RASSF3: variants seen among roughly 807,000 people sequenced by gnomAD.
The protein encoded by RASSF3 is ras association domain-containing protein 3.
A neutral mutation model predicts 19.9 loss-of-function variants in RASSF3; 19 were observed. The ratio of observed to expected loss-of-function variants is 0.96; its 90% CI spans 0.67 to 1.40. The LOEUF (loss-of-function observed/expected upper bound fraction) is 1.40. Ranked by LOEUF, RASSF3 falls within the 40% of genes most tolerant of loss-of-function variation. The probability of loss-of-function intolerance (pLI) is 0.00; values close to 1 mark genes in which losing one functional copy is unlikely to be tolerated. For missense variants in RASSF3, 306 were observed against 289.8 expected (o/e 1.06, Z -0.41); for synonymous variants, 110 against 104.2 (o/e 1.06, Z -0.34).
At chr12:64,529,864 G>T (rs984127292), upstream of RASSF3, among the ~76,000 whole-genome samples, 1 of 152,160 alleles carries the variant, frequency 6.6e-6, no homozygotes, top group Non-Finnish European at 1.5e-5. Context: ...ACAAACAGAA[G>T]AGAGAGGTTT....
chr12:64,568,296 G>T (rs372379990), intron 2 of RASSF3, among the ~76,000 whole-genome samples: 3 of 152,138 alleles, frequency 2.0e-5, no homozygotes, highest in Non-Finnish European at 2.9e-5. Context: ...GCCTCCCAAA[G>T]AGCTGGGATT....
rs139424789 is a variant in RASSF3 at position 64,519,540 on chromosome 12, T to C, written c.169+12211T>C. Among the ~76,000 whole-genome samples the C allele has an allele frequency of 3.2e-3, 488 of 152,266 alleles. 5 individuals carry two copies. Among genetic ancestry groups the C allele is most frequent in the African/African-American group, 0.011 (467 of 41,542 alleles). On this transcript the variant is annotated intron_variant, in intron 1 of 5. Transcript: ENST00000637125. ...GTCGTTACTTTACATTTTATTGGGA[T>C]GTGATTTACCTGTGCATCAAAATTG...
intron 2 of RASSF3, among the ~76,000 whole-genome samples, chr12:64,548,687 C>A (rs1365343363): frequency 6.6e-6 from 1 of 152,184 alleles, no homozygotes; most frequent in East Asian, 1.9e-4. Flanking sequence ...CCAGTTTATA[C>A]CCTTTCCAGC....
At chr12:64,613,726 G>T (rs1870452571) in intron 1 of RASSF3, among the ~76,000 whole-genome samples, 1 of 152,062 alleles carries the variant, frequency 6.6e-6, no homozygotes, top group Admixed American at 6.6e-5. Context: ...TGGGAGGATT[G>T]CTTGAGCCCA....
rs35141966 is a variant in RASSF3 at position 64,524,052 on chromosome 12, C to CTT, written c.169+16739_169+16740dup. ...TCACCACTTGCTAGCTGTACTTGCT[C>CTT]TTTTTTTTTTTTTTTTTGAGAAAGA... On this transcript the variant is annotated intron_variant, in intron 1 of 5. Transcript: ENST00000637125. 3.7e-3 allele frequency among the ~76,000 whole-genome samples: 443 copies of CTT among 120,074 alleles called. 5 individuals are homozygous for CTT. In the East Asian group the frequency reaches 0.053, roughly 14 times the overall value. 78.8% of individuals were successfully genotyped at this position (120,074 alleles called of 152,430 possible).
chr12:64,592,820 T>C (rs1869945602), intron 2 of RASSF3, among the ~76,000 whole-genome samples: 1 of 151,930 alleles, frequency 6.6e-6, no homozygotes, highest in Admixed American at 6.6e-5. Context: ...TTTTATTTTA[T>C]TTTATTTTTA....
At chr12:64,663,863 G>A (rs1340900065) in intron 1 of RASSF3, among the ~76,000 whole-genome samples, 1 of 41,804 alleles carries the variant, frequency 2.4e-5, no homozygotes, top group South Asian at 7.3e-4. Flanking sequence ...TTTTTTTTTT[G>A]CCTCAACAGA....
chr12:64,580,766 C>G (rs987636460), intron 2 of RASSF3, among the ~76,000 whole-genome samples: 1 of 152,092 alleles, frequency 6.6e-6, no homozygotes, highest in African/African-American at 2.4e-5. Flanking sequence ...TCATTCCAAT[C>G]TCTGCCTTTG....
intron 4 of RASSF3, among the ~76,000 whole-genome samples, chr12:64,693,414 ATTTT>A (rs71434058): frequency 1.4e-5 from 2 of 145,660 alleles, no homozygotes; most frequent in Non-Finnish European, 3.0e-5. Context: ...ATCTGTTTTA[ATTTT>A]TTTTTTTTTC....
intron 2 of RASSF3, among the ~76,000 whole-genome samples, chr12:64,592,248 A>G (rs868169579): frequency 1.3e-5 from 2 of 152,208 alleles, no homozygotes; most frequent in African/African-American, 4.8e-5. Flanking sequence ...CCAGCATACT[A>G]TGAACACTGT....
At chr12:64,694,627 C>T in intron 4 of RASSF3, 136 bp from the exon 5 acceptor site, 1 of 920,306 alleles carries the variant, frequency 1.1e-6, no homozygotes, top group Non-Finnish European at 1.7e-6. Context: ...AACACCCCAG[C>T]TCTTGCAGAC....
intron 2 of RASSF3, among the ~76,000 whole-genome samples, chr12:64,568,459 C>T (rs961527276): frequency 1.3e-5 from 2 of 152,296 alleles, no homozygotes. Context: ...GATCATTCAT[C>T]CTCATTCAAG....
At chr12:64,509,117 C>T (rs1009766003) in intron 1 of RASSF3, among the ~76,000 whole-genome samples, 3 of 152,084 alleles carry the variant, frequency 2.0e-5, no homozygotes, top group African/African-American at 7.2e-5. Context: ...CCCAAAAGAA[C>T]TTAAGAAAAA....
intron 1 of RASSF3, among the ~76,000 whole-genome samples, chr12:64,627,578 A>G (rs1159678921): frequency 1.3e-5 from 2 of 152,212 alleles, no homozygotes; most frequent in African/African-American, 4.8e-5. Context: ...AGTCCCAATT[A>G]TATTTGTTAA....
At chr12:64,566,812 T>C (rs992604047) in intron 2 of RASSF3, among the ~76,000 whole-genome samples, 2 of 152,232 alleles carry the variant, frequency 1.3e-5, no homozygotes, top group Admixed American at 6.5e-5. Context: ...TTATTATGCA[T>C]GCCTGTCCCT....
chr12:64,616,523 A>G (rs1157737875), intron 1 of RASSF3, among the ~76,000 whole-genome samples: 3 of 152,230 alleles, frequency 2.0e-5, no homozygotes, highest in Non-Finnish European at 2.9e-5. Context: ...CTGTCTTTCA[A>G]TAAAGGCCCC....
At chr12:64,672,873 T>A (rs1440004442) in intron 1 of RASSF3, among the ~76,000 whole-genome samples, 2 of 152,186 alleles carry the variant, frequency 1.3e-5, no homozygotes, top group African/African-American at 4.8e-5. Flanking sequence ...AAATTAGGTT[T>A]CATCTGGCAG....
chr12:64,659,715 A>G (rs557065661), intron 1 of RASSF3, among the ~76,000 whole-genome samples: 1 of 152,284 alleles, frequency 6.6e-6, no homozygotes, highest in African/African-American at 2.4e-5. Flanking sequence ...TGGGAGGCTG[A>G]GGTGGGCAGA....
chr12:64,516,596 G>A (rs1480250322), intron 1 of RASSF3, among the ~76,000 whole-genome samples: 31 of 144,316 alleles, frequency 2.1e-4, no homozygotes, highest in Non-Finnish European at 4.2e-4. Context: ...TCCAGCCTGG[G>A]CGACAGAGCG....
Sources: allele counts gnomAD v4.1 joint callset (sites outside exome capture counted in the v4.1 genomes callset), GRCh38; gene constraint gnomAD v4.1.1; transcripts MANE v1.5; gene names NCBI Gene and HGNC (gene_info 2026-07-23, HGNC 2026-07-21).